TNFAIP8: variants seen among roughly 807,000 people sequenced by gnomAD.
The protein encoded by TNFAIP8 is TNF alpha induced protein 8, also known as tumor necrosis factor alpha-induced protein 8.
Under a neutral mutation model 13.3 loss-of-function variants are expected in TNFAIP8, and 7 were observed. That is an observed-to-expected ratio of 0.52 (90% CI 0.30 to 0.99). TNFAIP8 has a LOEUF of 0.99. Among genes scored for constraint, TNFAIP8 ranks in the 50% least tolerant of loss-of-function variants. The probability of loss-of-function intolerance (pLI) is 0.07; values close to 1 mark genes in which losing one functional copy is unlikely to be tolerated. For synonymous variants in TNFAIP8, 94 were observed against 87.6 expected (o/e 1.07, Z -0.41); for missense variants, 258 against 236.9 (o/e 1.09, Z -0.58).
intron 1 of TNFAIP8, among the ~76,000 whole-genome samples, chr5:119,273,403 A>T (rs1748349016): frequency 6.6e-6 from 1 of 152,164 alleles, no homozygotes; most frequent in Non-Finnish European, 1.5e-5. Context: ...TTTTCCTTTA[A>T]CAATGCCAGA....
chr5:119,374,342 T>C (rs1752199554), intron 1 of TNFAIP8, among the ~76,000 whole-genome samples: 1 of 152,168 alleles, frequency 6.6e-6, no homozygotes, highest in South Asian at 2.1e-4. Flanking sequence ...TTTGGCATAT[T>C]TTGGAGTTTG....
In TNFAIP8 at chr5:119,393,547, G is replaced by C. The variant is rs1752984173; in HGVS notation, c.*166G>C. The C allele has an allele frequency of 1.2e-6, 1 of 804,842 alleles. No homozygotes were observed. Among genetic ancestry groups the C allele is most frequent in the South Asian group, 2.0e-5 (1 of 50,628 alleles). The allele number at this position is 804,842 out of a possible 1,614,324, so 49.9% of individuals were successfully genotyped here. ...ATTTATTTGAAGGCTTGTTTTATTTGAAGAAAAGCATATTGCCAAAAATTC... is the reference window on the plus strand; with the variant it reads ...ATTTATTTGAAGGCTTGTTTTATTTCAAGAAAAGCATATTGCCAAAAATTC... On this transcript the variant is annotated 3_prime_UTR_variant, in exon 2 of 2. Coordinates refer to ENST00000504771, the MANE Select transcript of TNFAIP8 (RefSeq NM_014350.4).
At chr5:119,384,335 A>G (rs537930510) in intron 1 of TNFAIP8, among the ~76,000 whole-genome samples, 39 of 152,138 alleles carry the variant, frequency 2.6e-4, no homozygotes, top group African/African-American at 8.9e-4. Flanking sequence ...AAATACAACA[A>G]TTAGCTGGGC....
At chr5:119,387,239 T>G (rs1050729666) in intron 1 of TNFAIP8, among the ~76,000 whole-genome samples, 5 of 152,204 alleles carry the variant, frequency 3.3e-5, no homozygotes, top group African/African-American at 1.2e-4. Flanking sequence ...AGCTGACTTT[T>G]TACTAAGTCC....
upstream of TNFAIP8, chr5:119,355,874 C>T (rs956635076): frequency 2.6e-6 from 3 of 1,150,460 alleles, no homozygotes; most frequent in Non-Finnish European, 3.2e-6. Flanking sequence ...GGCGGACTCC[C>T]GCCGCCCAGC....
intron 1 of TNFAIP8, among the ~76,000 whole-genome samples, chr5:119,379,949 T>C (rs1037540267): frequency 6.6e-6 from 1 of 152,214 alleles, no homozygotes; most frequent in African/African-American, 2.4e-5. Context: ...AGGCAGGCTC[T>C]AAGAAGTGGG....
chr5:119,344,737 A>G lies in TNFAIP8; in HGVS notation c.2-48079A>G, dbSNP rs141514407. Among the ~76,000 whole-genome samples, 47 of 152,352 alleles carry G rather than the reference A, an allele frequency of 3.1e-4. 1 individual carries two copies. In the East Asian group the frequency reaches 6.5e-3, roughly 21 times the overall value. Reference sequence around the variant, plus strand: ...GGAGAGAAAAAAAGGCCAATCCAGGAAACATTTTGATGTGAGATTAGAAAT... The same window carrying G: ...GGAGAGAAAAAAAGGCCAATCCAGGGAACATTTTGATGTGAGATTAGAAAT... On this transcript the variant is annotated intron_variant, in intron 1 of 1. Coordinates refer to the TNFAIP8 transcript ENST00000274456.
intron 1 of TNFAIP8, among the ~76,000 whole-genome samples, chr5:119,304,910 G>C (rs768102937): frequency 6.6e-6 from 1 of 152,202 alleles, no homozygotes; most frequent in Non-Finnish European, 1.5e-5. Flanking sequence ...CAAAAGAATG[G>C]TGAGGTGAAA....
chr5:119,284,563 C>G (rs1191496033), intron 1 of TNFAIP8, among the ~76,000 whole-genome samples: 2 of 152,058 alleles, frequency 1.3e-5, no homozygotes, highest in Admixed American at 6.5e-5. Context: ...CGCCTGTAGT[C>G]CCAGCTCCTT....
In TNFAIP8 at chr5:119,397,895, A is replaced by T. The variant is rs534012610; in HGVS notation, c.*4514A>T. On this transcript the variant is annotated 3_prime_UTR_variant, in exon 2 of 2. Transcript: ENST00000504771. Reference sequence around the variant, plus strand: ...ATGGAAACATTTTTGTGTAATATTGATTCATTTCTGTCTCACCAAAGATGT... The same window carrying T: ...ATGGAAACATTTTTGTGTAATATTGTTTCATTTCTGTCTCACCAAAGATGT... 6.6e-6 allele frequency: 1 copy of T among 152,346 alleles called. No homozygotes were observed. Among genetic ancestry groups the T allele is most frequent in the South Asian group, 2.1e-4 (1 of 4,832 alleles). 9.4% of individuals were successfully genotyped at this position (152,346 alleles called of 1,614,324 possible). A position where few individuals can be genotyped will look rare whatever the true frequency, so the allele number is the denominator to read the frequency against.
intron 1 of TNFAIP8, among the ~76,000 whole-genome samples, chr5:119,344,821 C>T (rs1401440396): frequency 2.0e-5 from 3 of 152,116 alleles, no homozygotes; most frequent in Non-Finnish European, 2.9e-5. Context: ...CCCCCAGTGC[C>T]TAAGTGAGAA....
chr5:119,328,219 G>C lies in TNFAIP8; in HGVS notation c.1+59312G>C, dbSNP rs1581608074. 2.6e-5 allele frequency among the ~76,000 whole-genome samples: 4 copies of C among 152,244 alleles called. No homozygotes were observed. The South Asian group carries it at 8.3e-4, about 32-fold the overall frequency. ...AACGCTCTTATCTTTGCCACCCACT[G>C]CAGTTCTGACCCTCAACCCTTGCCC... On this transcript the variant is annotated intron_variant, in intron 1 of 1. Transcript: ENST00000274456.
intron 1 of TNFAIP8, among the ~76,000 whole-genome samples, chr5:119,378,881 C>G (rs1448900288): frequency 1.3e-5 from 2 of 152,072 alleles, no homozygotes; most frequent in Non-Finnish European, 2.9e-5. Flanking sequence ...TGAGACCAGC[C>G]TGGCCAACAT....
intron 1 of TNFAIP8, among the ~76,000 whole-genome samples, chr5:119,371,088 A>G (rs930979529): frequency 2.0e-5 from 3 of 152,200 alleles, no homozygotes; most frequent in African/African-American, 7.2e-5. Flanking sequence ...CATGGTTTCT[A>G]AATTTTGATG....
At chr5:119,350,639 T>C (rs977228837) in intron 1 of TNFAIP8, among the ~76,000 whole-genome samples, 1 of 152,246 alleles carries the variant, frequency 6.6e-6, no homozygotes, top group Non-Finnish European at 1.5e-5. Flanking sequence ...CCAGATGTAT[T>C]ATTGTCTCTC....
At chr5:119,278,376 AGTGTGTGTGTGT>A (rs71591297) in intron 1 of TNFAIP8, among the ~76,000 whole-genome samples, 176 of 108,230 alleles carry the variant, frequency 1.6e-3, no homozygotes, top group Middle Eastern at 5.3e-3. Flanking sequence ...AGAGAGAGAG[AGTGTGTGTGTGT>A]GTGTGTGTGT....
At chr5:119,362,107 A>G (rs1363388827) in intron 1 of TNFAIP8, among the ~76,000 whole-genome samples, 3 of 152,228 alleles carry the variant, frequency 2.0e-5, no homozygotes, top group Admixed American at 6.5e-5. Context: ...AGTGGACCCT[A>G]TGAAAGTCTA....
intron 1 of TNFAIP8, among the ~76,000 whole-genome samples, chr5:119,325,268 A>C (rs564956040): frequency 2.0e-5 from 3 of 152,114 alleles, no homozygotes; most frequent in African/African-American, 7.2e-5. Context: ...AAGTGGTTCA[A>C]AGGGCCTGTG....
intron 1 of TNFAIP8, among the ~76,000 whole-genome samples, chr5:119,373,910 G>C (rs184055776): frequency 2.0e-5 from 3 of 152,150 alleles, no homozygotes; most frequent in African/African-American, 7.2e-5. Flanking sequence ...GGTAGATGGG[G>C]ATTCATAGCC....
Sources: gnomAD v4.1 joint callset for allele counts (sites outside exome capture counted in the v4.1 genomes callset) on GRCh38, gnomAD v4.1.1 for gene constraint, MANE v1.5 for transcripts, NCBI Gene and HGNC (gene_info 2026-07-23, HGNC 2026-07-21) for gene names.